The following TBCA variants were observed in gnomAD, a reference collection of about 807,000 sequenced individuals.
TBCA encodes the protein tubulin folding cofactor A.
In TBCA, 6 loss-of-function variants were observed where a neutral mutation model predicts 15.8. The ratio of observed to expected loss-of-function variants is 0.38; its 90% confidence interval spans 0.21 to 0.75. The LOEUF is 0.75. Among genes scored for constraint, TBCA ranks in the 30% least tolerant of loss-of-function variants. The pLI, the probability that TBCA is intolerant of heterozygous loss-of-function variation, is 0.46. For synonymous variants in TBCA, 32 were observed against 42.3 expected (o/e 0.76, Z 0.94); for missense variants, 90 against 131.2 (o/e 0.69, Z 1.53).
intron 1 of TBCA, among the ~76,000 whole-genome samples, chr5:77,762,405 A>G (rs1320350672): frequency 6.6e-6 from 1 of 152,190 alleles, no homozygotes; most frequent in East Asian, 1.9e-4. Flanking sequence ...CTTTTTTAAG[A>G]AAATAGTACT....
chr5:77,760,692 G>A (rs985786745), intron 1 of TBCA, among the ~76,000 whole-genome samples: 2 of 152,220 alleles, frequency 1.3e-5, no homozygotes, highest in Non-Finnish European at 2.9e-5. Context: ...CGAGGTGCTG[G>A]GATTGCAGAC....
At chr5:77,704,369 A>T (rs949647191) in intron 2 of TBCA, among the ~76,000 whole-genome samples, 1 of 152,202 alleles carries the variant, frequency 6.6e-6, no homozygotes, top group Non-Finnish European at 1.5e-5. Context: ...TTGGTAGAGA[A>T]TAAGAGATAG....
intron 2 of TBCA, among the ~76,000 whole-genome samples, chr5:77,694,599 T>C (rs765855920): frequency 2.6e-5 from 4 of 152,168 alleles, no homozygotes; most frequent in Non-Finnish European, 4.4e-5. Context: ...GAAAGAAACA[T>C]AGAGCTCATC....
At chr5:77,711,287 A>G (rs1746273227) in intron 1 of TBCA, among the ~76,000 whole-genome samples, 1 of 152,202 alleles carries the variant, frequency 6.6e-6, no homozygotes, top group South Asian at 2.1e-4. Flanking sequence ...TTGTGATAGA[A>G]GAACCATATG....
chr5:77,739,619 A>G (rs73768441), intron 1 of TBCA, among the ~76,000 whole-genome samples: 10,818 of 152,230 alleles, frequency 0.071, 537 homozygotes, highest in African/African-American at 0.14. Context: ...GTTCCTCCAT[A>G]TAACAGCTAA....
chr5:77,742,138 C>A (rs1372372569), intron 1 of TBCA, among the ~76,000 whole-genome samples: 1 of 152,174 alleles, frequency 6.6e-6, no homozygotes. Context: ...CACAATGCTT[C>A]TGATTTTGGA....
intron 1 of TBCA, among the ~76,000 whole-genome samples, chr5:77,756,505 T>G (rs1324722139): frequency 6.6e-6 from 1 of 152,074 alleles, no homozygotes; most frequent in Non-Finnish European, 1.5e-5. Context: ...TTTCAGTTTC[T>G]CAGGTGAATG....
intron 1 of TBCA, among the ~76,000 whole-genome samples, chr5:77,741,091 T>C (rs1168066675): frequency 1.3e-5 from 2 of 152,148 alleles, no homozygotes; most frequent in Admixed American, 1.3e-4. Context: ...GAAGGCAAGA[T>C]AAAGGCTTTA....
chr5:77,735,110 T>C (rs752658950), intron 1 of TBCA, among the ~76,000 whole-genome samples: 1 of 152,234 alleles, frequency 6.6e-6, no homozygotes, highest in African/African-American at 2.4e-5. Flanking sequence ...CATTTTATTG[T>C]GATGGTCTGG....
At chr5:77,757,454 A>G (rs1438394286) in intron 1 of TBCA, among the ~76,000 whole-genome samples, 2 of 152,192 alleles carry the variant, frequency 1.3e-5, no homozygotes, top group Admixed American at 1.3e-4. Context: ...GAAGCAGGAA[A>G]ACTTGCCTTC....
chr5:77,765,331 C>G (rs987379013), intron 1 of TBCA, among the ~76,000 whole-genome samples: 1 of 152,184 alleles, frequency 6.6e-6, no homozygotes, highest in Non-Finnish European at 1.5e-5. Context: ...TTAGGGACCC[C>G]AAGGGGTTCC....
intron 1 of TBCA, among the ~76,000 whole-genome samples, chr5:77,725,459 C>A (rs148812417): frequency 6.6e-6 from 1 of 152,216 alleles, no homozygotes; most frequent in African/African-American, 2.4e-5. Flanking sequence ...CAATTACCAC[C>A]AAATGAAGTA....
chr5:77,718,510 G>A (rs940953044), intron 1 of TBCA, among the ~76,000 whole-genome samples: 4 of 152,130 alleles, frequency 2.6e-5, no homozygotes, highest in Non-Finnish European at 4.4e-5. Context: ...CCTTAGTACG[G>A]AAGAACTAAG....
Position 77,733,896 on chromosome 5 carries a change from C to T in TBCA, c.54-25549G>A, listed in dbSNP as rs574743439. On this transcript the variant is annotated intron_variant, in intron 1 of 3. Coordinates refer to ENST00000380377, the MANE Select transcript of TBCA (RefSeq NM_004607.3). ...TTAAAAGCTTCAAAAAAGAGGCTGA[C>T]TCTCTTGCTAGGTGCTAATGCAGCT... Among the ~76,000 whole-genome samples the T allele has an allele frequency of 6.6e-5, 10 of 152,340 alleles. No homozygotes were observed. The East Asian group carries it at 9.6e-4, about 15-fold the overall frequency.
intron 1 of TBCA, among the ~76,000 whole-genome samples, chr5:77,747,301 T>C (rs879591826): frequency 2.0e-4 from 30 of 152,086 alleles, no homozygotes; most frequent in Non-Finnish European, 3.2e-4. Context: ...ACATATAACA[T>C]TGTCAGTGAA....
At chr5:77,707,328 T>C (rs191356652) in intron 2 of TBCA, among the ~76,000 whole-genome samples, 4 of 152,234 alleles carry the variant, frequency 2.6e-5, no homozygotes, top group Admixed American at 2.6e-4. Context: ...GAATGTTCAA[T>C]ATATGCTATC....
intron 1 of TBCA, among the ~76,000 whole-genome samples, chr5:77,762,752 TTAAC>T (rs1256118891): frequency 6.6e-6 from 1 of 152,110 alleles, no homozygotes; most frequent in Non-Finnish European, 1.5e-5. Context: ...CCACACACCC[TTAAC>T]TAAGTGCACA....
In TBCA at chr5:77,691,900, T is replaced by A. The variant is rs1745759599; in HGVS notation, c.247-402A>T. 8 of 989,942 alleles carry A rather than the reference T, an allele frequency of 8.1e-6. 1 individual carries two copies. In the South Asian group the frequency reaches 3.2e-4, roughly 40 times the overall value. 61.3% of individuals were successfully genotyped at this position (989,942 alleles called of 1,614,324 possible). A position where few individuals can be genotyped will look rare whatever the true frequency, so the allele number is the denominator to read the frequency against. On this transcript the variant is annotated intron_variant, in intron 3 of 3. Transcript: ENST00000380377. ...CAGCATTCAGGCCAAAATAATCCAC[T>A]GACTATTCACAATGACAAAGAAGGC...
At chr5:77,765,829 A>G (rs1285828280) in intron 1 of TBCA, among the ~76,000 whole-genome samples, 2 of 150,816 alleles carry the variant, frequency 1.3e-5, no homozygotes, top group African/African-American at 4.9e-5. Flanking sequence ...TCTAGGGGCC[A>G]TATATAACAA....
Sources: allele counts gnomAD v4.1 joint callset (sites outside exome capture counted in the v4.1 genomes callset), GRCh38; gene constraint gnomAD v4.1.1; transcripts MANE v1.5; gene names NCBI Gene and HGNC (gene_info 2026-07-23, HGNC 2026-07-21).